The following PCDHGA4 variants were observed in gnomAD, a reference collection of about 807,000 sequenced individuals.
The protein encoded by PCDHGA4 is protocadherin gamma subfamily A, 4.
A neutral mutation model predicts 54.6 loss-of-function variants in PCDHGA4; 38 were observed. The observed-to-expected ratio is 0.70, with a 90% CI of 0.54 to 0.91. The LOEUF is 0.91. PCDHGA4 is among the 40% of genes least tolerant of loss of function. The probability of loss-of-function intolerance (pLI) is 0.00; values close to 1 mark genes in which losing one functional copy is unlikely to be tolerated. For synonymous variants in PCDHGA4, 511 were observed against 512.9 expected, an observed-to-expected ratio of 1.00 and a Z score of 0.05; for missense variants, 1,298 against 1,220.9, an observed-to-expected ratio of 1.06 and a Z score of -0.94.
intron 1 of PCDHGA4, chr5:141,365,793 C>G (rs780558730): frequency 1.2e-6 from 2 of 1,613,948 alleles, no homozygotes; most frequent in South Asian, 2.2e-5. Flanking sequence ...GCTCGAGTCA[C>G]CTACTCCCTG....
rs780836649 is a variant in PCDHGA4 at position 141,414,681 on chromosome 5, G to C, written c.2514+57060G>C. 38 of 1,613,836 alleles carry C rather than the reference G, an allele frequency of 2.4e-5. 1 individual carries two copies. The East Asian group carries it at 8.5e-4, about 36-fold the overall frequency. ...CCCTGGCTGAAGACACCATCCAGGG[G>C]GTACCTCTGTCCTCATACATATCCA... On this transcript the variant is annotated intron_variant, in intron 1 of 3. Coordinates refer to ENST00000571252, the MANE Select transcript of PCDHGA4 (RefSeq NM_018917.4).
At chr5:141,462,503 A>G (rs1338834436) in intron 1 of PCDHGA4, among the ~76,000 whole-genome samples, 1 of 152,060 alleles carries the variant, frequency 6.6e-6, no homozygotes, top group East Asian at 1.9e-4. Context: ...ATAATTGTCA[A>G]CTAGATCAAG....
chr5:141,385,223 A>G, intron 1 of PCDHGA4: 2 of 1,614,184 alleles, frequency 1.2e-6, no homozygotes, highest in Non-Finnish European at 1.7e-6. Context: ...CAGCCCAACT[A>G]TGTAGACATG....
At chr5:141,358,546 G>A (rs1278401378) in intron 1 of PCDHGA4, among the ~76,000 whole-genome samples, 2 of 152,144 alleles carry the variant, frequency 1.3e-5, no homozygotes, top group Non-Finnish European at 2.9e-5. Context: ...TCTTGTTGCT[G>A]TTCTGAGATG....
Position 141,511,252 on chromosome 5 carries a change from G to C in PCDHGA4, c.*79G>C. 6.4e-7 allele frequency: 1 copy of C among 1,568,260 alleles called. No homozygotes were observed. The highest frequency in any genetic ancestry group is 8.6e-7 in the Non-Finnish European group (1 of 1,157,002). On this transcript the variant is annotated 3_prime_UTR_variant, in exon 4 of 4. Coordinates refer to ENST00000571252, the MANE Select transcript of PCDHGA4 (RefSeq NM_018917.4). ...TCTCCTTACCTGCACCCAGGCCTCA[G>C]AGTTTCAGGGCTAACCCCCAGAATA... is the stretch of plus-strand genomic sequence containing the variant.
Position 141,395,079 on chromosome 5 carries a change from G to A in PCDHGA4, c.2514+37458G>A, listed in dbSNP as rs777930721. On this transcript the variant is annotated intron_variant, in intron 1 of 3. Coordinates refer to ENST00000571252, the MANE Select transcript of PCDHGA4 (RefSeq NM_018917.4). ...GGCTTTCCTGCAGACCTATTCCCAG[G>A]AAGTCTCCCTCACCGCCGACTCGCG... 4.0e-5 allele frequency: 65 copies of A among 1,614,024 alleles called. 1 individual carries two copies. In the Middle Eastern group the frequency reaches 6.6e-4, roughly 16 times the overall value.
At chr5:141,370,997 C>G in intron 1 of PCDHGA4, 5 of 1,613,984 alleles carry the variant, frequency 3.1e-6, no homozygotes, top group Non-Finnish European at 4.2e-6. Context: ...CACCCCTGGA[C>G]AGGGAAGAGC....
rs945917670 is a variant in PCDHGA4, at chr5:141,377,790, T to G, written c.2514+20169T>G. On this transcript the variant is annotated intron_variant, in intron 1 of 3. Transcript: ENST00000571252. ...TGGTGTTAAAAGACCTGAATAACAT[T>G]CCTGTAACTATCTGTTATTTACTTG... 2.6e-5 allele frequency: 4 copies of G among 152,296 alleles called. No individual in the cohort carries two copies. The East Asian group carries it at 7.7e-4, about 29-fold the overall frequency. 9.4% of individuals were successfully genotyped at this position (152,296 alleles called of 1,614,324 possible).
chr5:141,405,354 T>G lies in PCDHGA4; in HGVS notation c.2514+47733T>G, dbSNP rs781757006. The G allele has an allele frequency of 3.7e-6, 6 of 1,614,112 alleles. No homozygotes were observed. In the East Asian group the frequency reaches 1.3e-4, roughly 36 times the overall value. On this transcript the variant is annotated intron_variant, in intron 1 of 3. Coordinates refer to ENST00000571252, the MANE Select transcript of PCDHGA4 (RefSeq NM_018917.4). The stretch of plus-strand genomic sequence containing the variant: ...GTCTCTGTTGATTCCAAGTTTCCTA[T>G]AGAAGACACCCCTTTGGTTCCGGTG...
chr5:141,362,663 G>A, intron 1 of PCDHGA4: 1 of 1,339,920 alleles, frequency 7.5e-7, no homozygotes. Flanking sequence ...TTTGGCCAAT[G>A]TTGTGCCTTA....
At position 141,489,378 on chromosome 5, in the gene PCDHGA4, G is replaced by A. The variant is rs1562129701; in HGVS notation, c.2515-5429G>A. ...AGTCTGAGCCGGGGACGCTGGTGGGGAATGTTGCTCAGGATCTGGGCTTAA... is the reference window on the plus strand; with the variant it reads ...AGTCTGAGCCGGGGACGCTGGTGGGAAATGTTGCTCAGGATCTGGGCTTAA... On this transcript the variant is annotated intron_variant, in intron 1 of 3. Coordinates refer to ENST00000571252, the MANE Select transcript of PCDHGA4 (RefSeq NM_018917.4). The surrounding 1 kb of genome is among the most constrained non-coding windows in gnomAD (Gnocchi z 4.5). 1.2e-6 allele frequency: 2 copies of A among 1,613,908 alleles called. No homozygotes were observed. The highest frequency in any genetic ancestry group is 3.3e-5 in the Admixed American group (2 of 60,026).
Position 141,487,928 on chromosome 5 carries a change from A to G in PCDHGA4, c.2515-6879A>G. Reference sequence around the variant, plus strand: ...GGGAGCACAGGAGGCTACAGTGCACAGGGTACAGTGCACCAGGCAGTCACT... The same window carrying G: ...GGGAGCACAGGAGGCTACAGTGCACGGGGTACAGTGCACCAGGCAGTCACT... On this transcript the variant is annotated intron_variant, in intron 1 of 3. Transcript: ENST00000571252. The surrounding 1 kb of genome is among the most constrained non-coding windows in gnomAD (Gnocchi z 5.0). The G allele has an allele frequency of 3.2e-6, 2 of 620,886 alleles. No homozygotes were observed. The highest frequency in any genetic ancestry group is 5.6e-6 in the Non-Finnish European group (2 of 355,916). The allele number at this position is 620,886 out of a possible 1,614,324, so 38.5% of individuals were successfully genotyped here. A position where few individuals can be genotyped will look rare whatever the true frequency, so the allele number is the denominator to read the frequency against.
At chr5:141,394,493 C>G in intron 1 of PCDHGA4, 1 of 1,614,222 alleles carries the variant, frequency 6.2e-7, no homozygotes, top group Non-Finnish European at 8.5e-7. Flanking sequence ...ACAACGCGCC[C>G]GAGATCCTGT....
At chr5:141,451,352 A>G (rs2098714151) in intron 1 of PCDHGA4, among the ~76,000 whole-genome samples, 1 of 152,232 alleles carries the variant, frequency 6.6e-6, no homozygotes, top group Non-Finnish European at 1.5e-5. Flanking sequence ...AAGGGTCAAC[A>G]GAGGATGGAT....
At position 141,419,169 on chromosome 5, in the gene PCDHGA4, C is replaced by T. The variant is rs746258255; in HGVS notation, c.2514+61548C>T. 73 of 1,613,970 alleles carry T rather than the reference C, an allele frequency of 4.5e-5. No homozygotes were observed. The highest frequency in any genetic ancestry group is 3.3e-4 in the Middle Eastern group (2 of 6,062). The stretch of plus-strand genomic sequence containing the variant: ...AAGCCTCCGTTATCCTCCAGCAAAA[C>T]CATAACCCTGCACATTACTGACGTC... On this transcript the variant is annotated intron_variant, in intron 1 of 3. Coordinates refer to ENST00000571252, the MANE Select transcript of PCDHGA4 (RefSeq NM_018917.4).
Position 141,394,702 on chromosome 5 carries a change from G to A in PCDHGA4, c.2514+37081G>A, listed in dbSNP as rs1246576971. On this transcript the variant is annotated intron_variant, in intron 1 of 3. Coordinates refer to ENST00000571252, the MANE Select transcript of PCDHGA4 (RefSeq NM_018917.4). Reference sequence around the variant, plus strand: ...CACACGGGCGAGGTGCGCACGGCGCGAGCCCTGCTGGACAGAGATGCGCTC... The same window carrying A: ...CACACGGGCGAGGTGCGCACGGCGCAAGCCCTGCTGGACAGAGATGCGCTC... 1.9e-5 allele frequency: 31 copies of A among 1,613,178 alleles called. No homozygotes were observed. Among genetic ancestry groups the A allele is most frequent in the Non-Finnish European group, 2.5e-5 (29 of 1,179,882 alleles).
intron 1 of PCDHGA4, chr5:141,390,099 C>G: frequency 6.2e-7 from 1 of 1,614,052 alleles, no homozygotes; most frequent in Non-Finnish European, 8.5e-7. Context: ...CGTGGTTCCC[C>G]CCAACTACAG....
chr5:141,492,870 C>G (rs2099744684), intron 1 of PCDHGA4, among the ~76,000 whole-genome samples: 1 of 152,192 alleles, frequency 6.6e-6, no homozygotes, highest in African/African-American at 2.4e-5. Flanking sequence ...TGGCTCTCAA[C>G]CCCCAGAGAT....
At chr5:141,405,667 G>A (rs911046478) in intron 1 of PCDHGA4, among the ~76,000 whole-genome samples, 10 of 152,044 alleles carry the variant, frequency 6.6e-5, no homozygotes, top group Non-Finnish European at 7.4e-5. Flanking sequence ...TAGTAGAGAC[G>A]GGGTGTCACC....
Sources: gnomAD v4.1 joint callset for allele counts (sites outside exome capture counted in the v4.1 genomes callset) on GRCh38, gnomAD v4.1.1 for gene constraint, Gnocchi (gnomAD v3.1) non-coding constraint, MANE v1.5 for transcripts, NCBI Gene and HGNC (gene_info 2026-07-23, HGNC 2026-07-21) for gene names.